ZFHX3: variants seen among roughly 807,000 people sequenced by gnomAD.
ZFHX3 encodes zinc finger homeobox protein 3.
A neutral mutation model predicts 279.1 loss-of-function variants in ZFHX3; 42 were observed. That is an observed-to-expected ratio of 0.15 (90% CI 0.12 to 0.19). The LOEUF (loss-of-function observed/expected upper bound fraction) is 0.19, where lower values mean the gene tolerates loss of function less well. Among genes scored for constraint, ZFHX3 ranks in the 10% least tolerant of loss-of-function variants. ZFHX3 has a pLI of 1.00. For missense variants in ZFHX3, 4,981 were observed against 4,754.0 expected (o/e 1.05, Z -1.40); for synonymous variants, 2,293 against 1,957.8 (o/e 1.17, Z -4.52).
chr16:73,709,058 T>G (rs2053332360), intron 1 of ZFHX3, among the ~76,000 whole-genome samples: 1 of 152,138 alleles, frequency 6.6e-6, no homozygotes, highest in Non-Finnish European at 1.5e-5. Flanking sequence ...GGTACCTATC[T>G]CCACAAGGTT....
At chr16:73,874,871 T>C (rs1372807310) in intron 1 of ZFHX3, among the ~76,000 whole-genome samples, 1 of 152,246 alleles carries the variant, frequency 6.6e-6, no homozygotes, top group Admixed American at 6.5e-5. Flanking sequence ...ACAAATACTA[T>C]GCTATTCCTA....
At chr16:73,694,463 C>G (rs112607059) in intron 1 of ZFHX3, among the ~76,000 whole-genome samples, 2,160 of 152,046 alleles carry the variant, frequency 0.014, 52 homozygotes, top group African/African-American at 0.05. Flanking sequence ...TCTGCCTCAC[C>G]CTCCTGAGTA....
chr16:73,525,742 G>T lies in ZFHX3; in HGVS notation c.-1546-69484C>A, dbSNP rs114037071. Among the ~76,000 whole-genome samples, 1,363 of 152,280 alleles carry T rather than the reference G, an allele frequency of 9.0e-3. 24 individuals carry two copies. The highest frequency in any genetic ancestry group is 0.026 in the African/African-American group (1,073 of 41,558). On this transcript the variant is annotated intron_variant, in intron 2 of 17. Transcript: ENST00000641206. ...GACCTCCTAGAGAGACCAAGGAAGG[G>T]TTCAGGCTTAATCACTTGTACAAAA...
intron 2 of ZFHX3, among the ~76,000 whole-genome samples, chr16:73,526,182 A>G (rs1167611575): frequency 6.6e-6 from 1 of 152,238 alleles, no homozygotes; most frequent in African/African-American, 2.4e-5. Context: ...GTCAGCAATG[A>G]CCATAAGCAC....
chr16:73,211,104 G>C (rs997600067), intron 5 of ZFHX3, among the ~76,000 whole-genome samples: 2 of 152,142 alleles, frequency 1.3e-5, no homozygotes, highest in Non-Finnish European at 2.9e-5. Flanking sequence ...GGACAATGTC[G>C]TGGGTTGGTT....
Position 72,797,071 on chromosome 16 carries a change from T to C in ZFHX3, c.5611A>G (p.Ser1871Gly). The C allele has an allele frequency of 6.2e-7, 1 of 1,614,104 alleles. No individual in the cohort carries two copies. The highest frequency in any genetic ancestry group is 8.5e-7 in the Non-Finnish European group (1 of 1,180,018). The change falls in exon 9 of 10, where the codon AGC becomes GGC. Residue 1871 changes from serine (S) to glycine (G), a missense_variant. Around this residue, in one of 7 missense-constraint regions of ZFHX3, gnomAD observed 1,751 missense variants for 1,770.0 expected, o/e 0.99. Coordinates refer to ENST00000268489, the MANE Select transcript of ZFHX3 (RefSeq NM_006885.4). The part of the protein sequence containing the change: ...AQSHSALLQP[S>G]QHPEKKNKLV... ...TTGTTCTTCTTTTCGGGGTGCTGGC[T>C]TGGCTGAAGGAGGGCAGAGTGACTC...
intron 1 of ZFHX3, among the ~76,000 whole-genome samples, chr16:73,782,205 G>T (rs887126740): frequency 2.6e-5 from 4 of 152,124 alleles, no homozygotes; most frequent in Non-Finnish European, 4.4e-5. Flanking sequence ...TGTAAATCTT[G>T]AGACCTATGG....
chr16:72,933,625 A>T (rs374260678), intron 3 of ZFHX3, among the ~76,000 whole-genome samples: 6 of 152,258 alleles, frequency 3.9e-5, no homozygotes, highest in African/African-American at 1.4e-4. Context: ...CTGCAGAAGC[A>T]GTACACTCCA....
intron 3 of ZFHX3, among the ~76,000 whole-genome samples, chr16:72,936,064 T>A (rs963982632): frequency 3.9e-5 from 6 of 152,224 alleles, no homozygotes; most frequent in Admixed American, 2.6e-4. Context: ...ACCAGCTGCA[T>A]GATCTTGCCA....
At position 73,210,144 on chromosome 16, in the gene ZFHX3, C is replaced by T. The variant is rs192607124; in HGVS notation, c.-1104+46903G>A. ...GTCAAGACCATGCTCAGTTAAGGTGCTTGATAAATACTGTAGCATAAAATG... is the reference window on the plus strand; with the variant it reads ...GTCAAGACCATGCTCAGTTAAGGTGTTTGATAAATACTGTAGCATAAAATG... On this transcript the variant is annotated intron_variant, in intron 5 of 17. Coordinates refer to the ZFHX3 transcript ENST00000641206. Among the ~76,000 whole-genome samples the T allele has an allele frequency of 7.2e-5, 11 of 152,274 alleles. No individual in the cohort carries two copies. In the East Asian group the frequency reaches 1.9e-3, roughly 27 times the overall value.
chr16:72,915,676 T>A (rs1387617393), intron 3 of ZFHX3, among the ~76,000 whole-genome samples: 3 of 151,588 alleles, frequency 2.0e-5, no homozygotes, highest in Non-Finnish European at 4.4e-5. Context: ...GGGAGGAGGA[T>A]CACTTGAGCC....
intron 1 of ZFHX3, among the ~76,000 whole-genome samples, chr16:73,757,591 A>C (rs1006239394): frequency 6.6e-6 from 1 of 152,224 alleles, no homozygotes; most frequent in African/African-American, 2.4e-5. Flanking sequence ...GCATTGAGAT[A>C]AAATGGGAGT....
At chr16:73,054,442 A>AT (rs34141418) in intron 1 of ZFHX3, among the ~76,000 whole-genome samples, 3,287 of 91,784 alleles carry the variant, frequency 0.036, 90 homozygotes, top group African/African-American at 0.061. Flanking sequence ...AACCAGGAGG[A>AT]TTTTTTTTTT....
At chr16:73,267,495 T>C (rs2014009770) in intron 4 of ZFHX3, among the ~76,000 whole-genome samples, 1 of 152,082 alleles carries the variant, frequency 6.6e-6, no homozygotes, top group South Asian at 2.1e-4. Context: ...AGCATCCCAG[T>C]CTTACAAATT....
At chr16:73,775,685 C>T (rs1350500339) in intron 1 of ZFHX3, among the ~76,000 whole-genome samples, 3 of 152,184 alleles carry the variant, frequency 2.0e-5, no homozygotes, top group Non-Finnish European at 4.4e-5. Flanking sequence ...TCGGCTCTAC[C>T]TTACCCCAGA....
chr16:73,608,595 A>T (rs1188775587), intron 2 of ZFHX3: 3 of 152,240 alleles, frequency 2.0e-5, no homozygotes, highest in Non-Finnish European at 4.4e-5. Context: ...TTTATTCAAA[A>T]GCAGAAAACA....
chr16:73,081,030 A>G (rs554811448), intron 8 of ZFHX3, among the ~76,000 whole-genome samples: 1 of 152,248 alleles, frequency 6.6e-6, no homozygotes, highest in South Asian at 2.1e-4. Flanking sequence ...CTTGTGTTAC[A>G]TTTCACCTTG....
At chr16:73,821,248 T>C (rs74028501) in intron 1 of ZFHX3, among the ~76,000 whole-genome samples, 4,638 of 152,306 alleles carry the variant, frequency 0.03, 251 homozygotes, top group African/African-American at 0.1. Flanking sequence ...TCCAGAGTCA[T>C]AAAATCAGCT....
chr16:73,686,181 C>T (rs978297624), intron 1 of ZFHX3, among the ~76,000 whole-genome samples: 2 of 152,062 alleles, frequency 1.3e-5, no homozygotes, highest in Non-Finnish European at 2.9e-5. Flanking sequence ...CTACAACCTC[C>T]ACCTCCCGGG....
Sources: allele counts gnomAD v4.1 joint callset (sites outside exome capture counted in the v4.1 genomes callset), GRCh38; gene constraint gnomAD v4.1.1; regional missense constraint gnomAD v4.1.1; transcripts MANE v1.5; gene names NCBI Gene and HGNC (gene_info 2026-07-23, HGNC 2026-07-21).